The following CPEB1 variants were observed in gnomAD, a reference collection of about 807,000 sequenced individuals.
CPEB1 encodes cytoplasmic polyadenylation element binding protein 1.
In CPEB1, 7 loss-of-function variants were observed where a neutral mutation model predicts 65.8. The ratio of observed to expected loss-of-function variants is 0.11; its 90% CI spans 0.06 to 0.20. CPEB1 has a LOEUF of 0.20. Among genes scored for constraint, CPEB1 ranks in the 10% least tolerant of loss-of-function variants. The probability of loss-of-function intolerance (pLI) is 1.00; values close to 1 mark genes in which losing one functional copy is unlikely to be tolerated. For synonymous variants in CPEB1, 262 were observed against 260.0 expected (o/e 1.01, Z -0.08); for missense variants, 551 against 712.2 (o/e 0.77, Z 2.58).
intron 3 of CPEB1, among the ~76,000 whole-genome samples, chr15:82,623,966 C>T (rs1479237952): frequency 4.6e-5 from 7 of 152,162 alleles, no homozygotes; most frequent in Non-Finnish European, 2.9e-5. Flanking sequence ...AGTTATAATG[C>T]TGTCCATAAA....
At chr15:82,605,281 C>T (rs192399617) in intron 3 of CPEB1, among the ~76,000 whole-genome samples, 54 of 152,256 alleles carry the variant, frequency 3.5e-4, no homozygotes, top group African/African-American at 1.2e-3. Flanking sequence ...TTACTTTAAT[C>T]CACATGAAGT....
chr15:82,635,863 AAC>A (rs2046617121), intron 1 of CPEB1, among the ~76,000 whole-genome samples: 1 of 152,228 alleles, frequency 6.6e-6, no homozygotes, highest in Non-Finnish European at 1.5e-5. Context: ...AAAAAGCATT[AAC>A]ACACAGAGAA....
intron 5 of CPEB1, among the ~76,000 whole-genome samples, chr15:82,557,364 CTTAA>C (rs777702875): frequency 3.9e-5 from 6 of 152,174 alleles, no homozygotes; most frequent in South Asian, 2.1e-4. Flanking sequence ...TACGTTATTA[CTTAA>C]TTGTGAGATA....
At chr15:82,637,677 T>G (rs550209625) in intron 1 of CPEB1, among the ~76,000 whole-genome samples, 45 of 152,314 alleles carry the variant, frequency 3.0e-4, no homozygotes, top group African/African-American at 1.0e-3. Flanking sequence ...CCTATGGACA[T>G]TTCCTGAGCC....
At chr15:82,550,662 G>A (rs920172676) in intron 9 of CPEB1, among the ~76,000 whole-genome samples, 14 of 152,136 alleles carry the variant, frequency 9.2e-5, no homozygotes, top group African/African-American at 3.4e-4. Flanking sequence ...AGGACATCCC[G>A]AAGAAGGATC....
intron 10 of CPEB1, 33 bp downstream of exon 10, chr15:82,549,427 C>G: frequency 6.2e-7 from 1 of 1,613,538 alleles, no homozygotes; most frequent in Non-Finnish European, 8.5e-7. Context: ...CAGGGGCCAA[C>G]CAAGCTTTCG....
intron 9 of CPEB1, among the ~76,000 whole-genome samples, chr15:82,551,620 T>A (rs754729867): frequency 6.6e-6 from 1 of 152,118 alleles, no homozygotes; most frequent in Non-Finnish European, 1.5e-5. Flanking sequence ...GGCATTTTAG[T>A]TTCCCATCTT....
intron 7 of CPEB1, 106 bp from the exon 8 acceptor site, chr15:82,553,662 A>G: frequency 2.3e-6 from 2 of 881,326 alleles, no homozygotes; most frequent in Non-Finnish European, 3.7e-6. Flanking sequence ...ATCCCCACTG[A>G]CAAACAACTC....
intron 3 of CPEB1, among the ~76,000 whole-genome samples, chr15:82,609,539 A>G (rs1373974819): frequency 6.6e-6 from 1 of 151,896 alleles, no homozygotes; most frequent in Non-Finnish European, 1.5e-5. Context: ...TTAAATATCA[A>G]TAACCTAACA....
chr15:82,594,364 A>AAAAG (rs1567208405), intron 3 of CPEB1, among the ~76,000 whole-genome samples: 1 of 150,124 alleles, frequency 6.7e-6, no homozygotes, highest in African/African-American at 2.5e-5. Context: ...TGAACCAAAA[A>AAAAG]AAAAGAAAAG....
intron 4 of CPEB1, chr15:82,562,038 A>G (rs1365664831): frequency 2.8e-6 from 1 of 360,970 alleles, no homozygotes; most frequent in Non-Finnish European, 5.4e-6. Context: ...AGTGGCTGTT[A>G]CTACTGCATC....
In CPEB1 at chr15:82,578,715, C is replaced by A. The variant is rs1030067133; in HGVS notation, c.272-7183G>T. ...GAGGTTGCAGTGAGCCAAGATCATG[C>A]CACTGCACTCCAGCCTGGGCAACAA... On this transcript the variant is annotated intron_variant, in intron 3 of 12. Transcript: ENST00000684509. Among the ~76,000 whole-genome samples the A allele has an allele frequency of 6.6e-5, 10 of 152,118 alleles. No individual in the cohort carries two copies. The South Asian group carries it at 2.1e-3, about 31-fold the overall frequency.
At chr15:82,619,047 A>G (rs2045040824) in intron 3 of CPEB1, among the ~76,000 whole-genome samples, 1 of 152,242 alleles carries the variant, frequency 6.6e-6, no homozygotes, top group Admixed American at 6.5e-5. Flanking sequence ...GGACTTCACT[A>G]CCAACTATCA....
intron 6 of CPEB1, among the ~76,000 whole-genome samples, chr15:82,554,781 G>A (rs2036896883): frequency 1.3e-5 from 2 of 152,218 alleles, no homozygotes; most frequent in Non-Finnish European, 2.9e-5. Context: ...GATGTGGAAG[G>A]ATATTTCCTA....
Position 82,564,294 on chromosome 15 carries a change from G to GT in CPEB1, c.461-6309dup, listed in dbSNP as rs113168843. On this transcript the variant is annotated intron_variant, in intron 4 of 12. Transcript: ENST00000684509. ...ATGGTTTTTTTTGTTTTTTTGTTTT[G>GT]TTTTTTTTTGAGACGGAGTCTCGCT... Among the ~76,000 whole-genome samples the GT allele has an allele frequency of 1.4e-3, 206 of 150,670 alleles. 3 individuals carry two copies. The South Asian group carries it at 0.032, about 24-fold the overall frequency.
chr15:82,584,772 A>G (rs2041620218), intron 3 of CPEB1, among the ~76,000 whole-genome samples: 1 of 151,798 alleles, frequency 6.6e-6, no homozygotes, highest in Non-Finnish European at 1.5e-5. Context: ...ACACAAAGAT[A>G]AAAGAGGCAA....
Position 82,584,936 on chromosome 15 carries a change from TG to T in CPEB1, c.272-13405del, listed in dbSNP as rs1435761234. 1.0e-4 allele frequency among the ~76,000 whole-genome samples: 13 copies of T among 124,188 alleles called. No homozygotes were observed. In the Admixed American group the frequency reaches 1.1e-3, roughly 10 times the overall value. 81.5% of individuals were successfully genotyped at this position (124,188 alleles called of 152,430 possible). A position where few individuals can be genotyped will look rare whatever the true frequency, so the allele number is the denominator to read the frequency against. On this transcript the variant is annotated intron_variant, in intron 3 of 12. Transcript: ENST00000684509. ...TTTTTTTTTTTTACAGTGAACACAT[TG>T]TAACAAGAAAAAAAATGCAAGCTAT...
chr15:82,578,065 A>G (rs779235333), intron 3 of CPEB1, among the ~76,000 whole-genome samples: 6 of 152,108 alleles, frequency 3.9e-5, no homozygotes, highest in Non-Finnish European at 8.8e-5. Flanking sequence ...GCGTGAACCC[A>G]GGAGGCGGAG....
intron 3 of CPEB1, among the ~76,000 whole-genome samples, chr15:82,613,896 G>A (rs763505433): frequency 7.9e-5 from 12 of 151,420 alleles, no homozygotes; most frequent in South Asian, 2.1e-4. Flanking sequence ...GGGACAGCCC[G>A]GGAGGCTGCC....
Sources: allele counts gnomAD v4.1 joint callset (sites outside exome capture counted in the v4.1 genomes callset), GRCh38; gene constraint gnomAD v4.1.1; transcripts MANE v1.5; gene names NCBI Gene and HGNC (gene_info 2026-07-23, HGNC 2026-07-21).